The following DNAH6 variants were observed in gnomAD, a reference collection of about 807,000 sequenced individuals.
DNAH6 encodes dynein axonemal heavy chain 6.
In DNAH6, 340 loss-of-function variants were observed where a neutral mutation model predicts 491.4. The ratio of observed to expected loss-of-function variants is 0.69; its 90% CI spans 0.63 to 0.76. The LOEUF (loss-of-function observed/expected upper bound fraction) is 0.76, where lower values mean the gene tolerates loss of function less well. Ranked by LOEUF, DNAH6 falls within the 30% of genes least tolerant of loss-of-function variation. DNAH6 has a pLI of 0.00. For missense variants in DNAH6, 4,443 were observed against 4,972.2 expected (o/e 0.89, Z 3.20); for synonymous variants, 1,603 against 1,686.1 (o/e 0.95, Z 1.21).
At position 84,579,401 on chromosome 2, in the gene DNAH6, T is replaced by G; in HGVS notation, c.2077-126T>G. On this transcript the variant is annotated intron_variant, in intron 13 of 76. Coordinates refer to ENST00000389394, the MANE Select transcript of DNAH6 (RefSeq NM_001370.2). ...AGCAGTGATTTAAAGAGAAAAAAAG[T>G]CTCTTCGTATTCACTGCTGCTTCCA... 4 of 1,001,522 alleles carry G rather than the reference T, an allele frequency of 4.0e-6. No homozygotes were observed. The South Asian group carries it at 6.6e-5, about 17-fold the overall frequency. 62.0% of individuals were successfully genotyped at this position (1,001,522 alleles called of 1,614,324 possible). A position where few individuals can be genotyped will look rare whatever the true frequency, so the allele number is the denominator to read the frequency against.
chr2:84,609,027 C>T (rs746925962), intron 21 of DNAH6, among the ~76,000 whole-genome samples: 1 of 152,174 alleles, frequency 6.6e-6, no homozygotes, highest in African/African-American at 2.4e-5. Context: ...TTCAGTCTCA[C>T]GAATCAACCT....
At chr2:84,654,856 A>G in intron 35 of DNAH6, 74 bp downstream of exon 35, 3 of 1,487,932 alleles carry the variant, frequency 2.0e-6, no homozygotes, top group Non-Finnish European at 2.7e-6. Flanking sequence ...ACAAATAACA[A>G]TAGGTTAAGG....
At chr2:84,708,441 GAAGAAAGA>G (rs1696683949) in intron 54 of DNAH6, among the ~76,000 whole-genome samples, 1 of 115,738 alleles carries the variant, frequency 8.6e-6, no homozygotes, top group East Asian at 3.0e-4. Flanking sequence ...GCAAAACTCT[GAAGAAAGA>G]AAGAGAGAAA....
chr2:84,524,318 C>A (rs1162652023), intron 2 of DNAH6, among the ~76,000 whole-genome samples: 1 of 151,820 alleles, frequency 6.6e-6, no homozygotes, highest in Non-Finnish European at 1.5e-5. Context: ...TTCCTCCATC[C>A]CTTTTCTTGA....
chr2:84,806,463 C>A (rs1679416665), intron 71 of DNAH6, among the ~76,000 whole-genome samples: 1 of 151,686 alleles, frequency 6.6e-6, no homozygotes, highest in East Asian at 1.9e-4. Context: ...ACTAAAAATA[C>A]AAAAAATTAG....
intron 24 of DNAH6, among the ~76,000 whole-genome samples, chr2:84,620,651 G>T (rs1234965843): frequency 6.6e-6 from 1 of 152,196 alleles, no homozygotes; most frequent in Non-Finnish European, 1.5e-5. Context: ...CATTTTATTT[G>T]TTCTGAATTG....
chr2:84,701,023 T>C, intron 48 of DNAH6, 74 bp from the exon 49 acceptor site: 2 of 1,486,638 alleles, frequency 1.3e-6, no homozygotes, highest in Non-Finnish European at 1.8e-6. Flanking sequence ...CCGAGAAATA[T>C]GTTTTTCTTG....
intron 58 of DNAH6, among the ~76,000 whole-genome samples, chr2:84,717,065 C>T (rs1697607397): frequency 6.6e-6 from 1 of 152,196 alleles, no homozygotes; most frequent in African/African-American, 2.4e-5. Context: ...ATGCCTTAGT[C>T]CTTCTGGGGC....
intron 63 of DNAH6, among the ~76,000 whole-genome samples, chr2:84,760,451 C>A (rs1048997047): frequency 1.3e-5 from 2 of 151,942 alleles, no homozygotes; most frequent in Non-Finnish European, 2.9e-5. Context: ...AGGAACTCAA[C>A]AACAATAACA....
At chr2:84,772,255 T>C (rs987582937) in intron 64 of DNAH6, among the ~76,000 whole-genome samples, 1 of 152,012 alleles carries the variant, frequency 6.6e-6, no homozygotes, top group African/African-American at 2.4e-5. Flanking sequence ...AATCAATATC[T>C]AACTAACAAA....
intron 20 of DNAH6, 123 bp downstream of exon 20, chr2:84,605,715 T>C (rs929953675): frequency 2.0e-5 from 12 of 586,140 alleles, no homozygotes; most frequent in Admixed American, 3.4e-5. Flanking sequence ...AAAAATCTAA[T>C]TGGGAAAGCA....
chr2:84,480,515 G>A, the DNAH6 span, among the ~76,000 whole-genome samples: 2 of 152,116 alleles, frequency 1.3e-5, no homozygotes, highest in East Asian at 3.8e-4. Context: ...TTGTTATGTG[G>A]ATTAAATGAA....
At chr2:84,589,985 G>T (rs1400563421) in intron 16 of DNAH6, among the ~76,000 whole-genome samples, 1 of 152,044 alleles carries the variant, frequency 6.6e-6, no homozygotes, top group African/African-American at 2.4e-5. Flanking sequence ...GCCCCAGATG[G>T]ATGACCAGAA....
intron 29 of DNAH6, among the ~76,000 whole-genome samples, chr2:84,632,362 C>T (rs969874415): frequency 7.3e-5 from 11 of 151,724 alleles, no homozygotes; most frequent in Admixed American, 4.6e-4. Flanking sequence ...CCCCACTCTC[C>T]TCCTCAGCCA....
chr2:84,784,964 G>A (rs1172737980), intron 66 of DNAH6, among the ~76,000 whole-genome samples, 154 bp downstream of exon 66: 2 of 152,142 alleles, frequency 1.3e-5, no homozygotes, highest in Non-Finnish European at 2.9e-5. Context: ...CCTATAACAA[G>A]CAGAGAAACG....
chr2:84,533,107 A>G (rs1456811060), intron 4 of DNAH6, among the ~76,000 whole-genome samples: 1 of 152,124 alleles, frequency 6.6e-6, no homozygotes, highest in Non-Finnish European at 1.5e-5. Context: ...GCATGTAGGA[A>G]TCAGTAGTGT....
intron 60 of DNAH6, among the ~76,000 whole-genome samples, chr2:84,726,389 C>T (rs1275748905): frequency 6.6e-6 from 1 of 152,182 alleles, no homozygotes; most frequent in Non-Finnish European, 1.5e-5. Context: ...GCTGCAAGAT[C>T]CCTCCTTGCC....
upstream of DNAH6, among the ~76,000 whole-genome samples, chr2:84,515,050 C>T (rs1675500124): frequency 1.3e-5 from 2 of 152,180 alleles, no homozygotes; most frequent in Admixed American, 6.5e-5. Context: ...TTTCACTGCA[C>T]ATCTGAAATG....
At chr2:84,648,018 C>T (rs1310774485) in intron 33 of DNAH6, among the ~76,000 whole-genome samples, 3 of 152,116 alleles carry the variant, frequency 2.0e-5, no homozygotes, top group African/African-American at 7.2e-5. Flanking sequence ...AATGTTAGTT[C>T]TGTTTAGAAA....
Sources: allele counts gnomAD v4.1 joint callset (sites outside exome capture counted in the v4.1 genomes callset), GRCh38; gene constraint gnomAD v4.1.1; transcripts MANE v1.5; gene names NCBI Gene and HGNC (gene_info 2026-07-23, HGNC 2026-07-21).